SH3GL2: variants seen among roughly 807,000 people sequenced by gnomAD.
SH3GL2 encodes the protein endophilin-A1.
In SH3GL2, 24 loss-of-function variants were observed where a neutral mutation model predicts 46.0. The observed-to-expected ratio is 0.52, with a 90% CI of 0.38 to 0.73. The LOEUF is 0.73. Among genes scored for constraint, SH3GL2 ranks in the 30% least tolerant of loss-of-function variants. The pLI is 0.00. For missense variants in SH3GL2, 413 were observed against 424.2 expected (o/e 0.97, Z 0.23); for synonymous variants, 196 against 147.1 (o/e 1.33, Z -2.40).
At chr9:17,620,576 G>A (rs1370192393) in intron 1 of SH3GL2, among the ~76,000 whole-genome samples, 1 of 152,234 alleles carries the variant, frequency 6.6e-6, no homozygotes, top group African/African-American at 2.4e-5. Flanking sequence ...GCAGACAGAA[G>A]AGGGTTGGTG....
chr9:17,616,697 G>A (rs1219166278), intron 1 of SH3GL2, among the ~76,000 whole-genome samples: 1 of 151,966 alleles, frequency 6.6e-6, no homozygotes, highest in Non-Finnish European at 1.5e-5. Flanking sequence ...AATCAAGAAG[G>A]TGTCAACCTT....
At chr9:17,728,968 T>G (rs954882973) in intron 1 of SH3GL2, among the ~76,000 whole-genome samples, 6 of 152,224 alleles carry the variant, frequency 3.9e-5, no homozygotes, top group Admixed American at 2.0e-4. Flanking sequence ...TAGAATGATT[T>G]ATAATACTTT....
intron 3 of SH3GL2, among the ~76,000 whole-genome samples, chr9:17,762,662 G>C (rs924204200): frequency 3.9e-5 from 6 of 152,178 alleles, no homozygotes; most frequent in African/African-American, 1.4e-4. Context: ...AAGAAAATGT[G>C]ATAAGCTATA....
rs554457816 is a variant in SH3GL2 at position 17,713,085 on chromosome 9, A to T, written c.46-33981A>T. ...CTTAGTGTGCTGGGTTTTTTTTTTT[A>T]AATCAAAAGTAGATGTTAGATTTTG... On this transcript the variant is annotated intron_variant, in intron 1 of 8. Coordinates refer to ENST00000380607, the MANE Select transcript of SH3GL2 (RefSeq NM_003026.5). Among the ~76,000 whole-genome samples the T allele has an allele frequency of 5.5e-3, 832 of 150,030 alleles. 13 individuals carry two copies. The highest frequency in any genetic ancestry group is 0.019 in the African/African-American group (774 of 40,942).
At chr9:17,681,955 C>T (rs145123681) in intron 1 of SH3GL2, among the ~76,000 whole-genome samples, 1,560 of 152,096 alleles carry the variant, frequency 0.01, 17 homozygotes, top group Middle Eastern at 0.024. Context: ...CTCAACATCA[C>T]TGAAAAAAAG....
At position 17,758,561 on chromosome 9, in the gene SH3GL2, C is replaced by CAAAAAAAAAAAAAAAAAAAAAAA. The variant is rs57019804; in HGVS notation, c.115-2864_115-2842dup. On this transcript the variant is annotated intron_variant, in intron 2 of 8. Transcript: ENST00000380607. ...TGGGGGAGAGAGTAAGACCCTGTCT[C>CAAAAAAAAAAAAAAAAAAAAAAA]AAAAAAAAAAAAAAAAAAAAAAAAA... Among the ~76,000 whole-genome samples the CAAAAAAAAAAAAAAAAAAAAAAA allele has an allele frequency of 8.2e-4, 24 of 29,228 alleles. 3 individuals carry two copies. The East Asian group carries it at 9.6e-3, about 12-fold the overall frequency. 19.2% of individuals were successfully genotyped at this position (29,228 alleles called of 152,430 possible).
intron 1 of SH3GL2, among the ~76,000 whole-genome samples, chr9:17,693,980 A>C (rs7854984): frequency 6.6e-6 from 1 of 152,290 alleles, no homozygotes; most frequent in South Asian, 2.1e-4. Context: ...AGTGTACGCT[A>C]TATTTTATTT....
intron 3 of SH3GL2, among the ~76,000 whole-genome samples, chr9:17,773,725 T>G (rs952823181): frequency 6.6e-6 from 1 of 152,118 alleles, no homozygotes; most frequent in Non-Finnish European, 1.5e-5. Flanking sequence ...AGTTTTCAAA[T>G]CAGGAGGTGT....
intron 1 of SH3GL2, among the ~76,000 whole-genome samples, chr9:17,606,520 A>C (rs912532515): frequency 6.6e-5 from 10 of 152,190 alleles, no homozygotes; most frequent in Non-Finnish European, 1.5e-4. Context: ...GATTGATATG[A>C]ATGATGCTAA....
chr9:17,787,331 T>C, intron 4 of SH3GL2, 49 bp from the exon 5 acceptor site: 2 of 1,546,224 alleles, frequency 1.3e-6, no homozygotes, highest in Non-Finnish European at 1.8e-6. Flanking sequence ...TTATTGCGAG[T>C]GCATTTCATC....
chr9:17,676,347 T>G (rs1357068682), intron 1 of SH3GL2, among the ~76,000 whole-genome samples: 1 of 152,190 alleles, frequency 6.6e-6, no homozygotes, highest in East Asian at 1.9e-4. Context: ...GGCTCACGCA[T>G]GTAATCCCAG....
intron 3 of SH3GL2, among the ~76,000 whole-genome samples, chr9:17,768,110 G>A (rs1417752659): frequency 2.6e-5 from 4 of 152,042 alleles, no homozygotes; most frequent in Admixed American, 1.3e-4. Context: ...AGTAGCTCAC[G>A]CCTATAATCC....
intron 1 of SH3GL2, among the ~76,000 whole-genome samples, chr9:17,674,523 C>T (rs1002178164): frequency 2.0e-5 from 3 of 152,124 alleles, no homozygotes; most frequent in Non-Finnish European, 2.9e-5. Flanking sequence ...ACCTTGGCCT[C>T]CCAAAGTGCT....
At chr9:17,709,050 C>T (rs1040654695) in intron 1 of SH3GL2, among the ~76,000 whole-genome samples, 2 of 152,008 alleles carry the variant, frequency 1.3e-5, no homozygotes, top group Non-Finnish European at 2.9e-5. Flanking sequence ...TTATTTCCTG[C>T]TGCCATGATT....
At chr9:17,761,834 A>C (rs1189405482) in intron 3 of SH3GL2, among the ~76,000 whole-genome samples, 1 of 152,236 alleles carries the variant, frequency 6.6e-6, no homozygotes, top group Non-Finnish European at 1.5e-5. Context: ...GATGGTAAGA[A>C]GGAAAATTAG....
intron 4 of SH3GL2, 119 bp downstream of exon 4, chr9:17,786,643 T>A (rs1823965681): frequency 2.9e-6 from 3 of 1,028,672 alleles, no homozygotes; most frequent in Admixed American, 2.3e-5. Flanking sequence ...CAGTTTTAGA[T>A]CCTACACACA....
chr9:17,728,793 A>G (rs1390992438), intron 1 of SH3GL2, among the ~76,000 whole-genome samples: 1 of 152,166 alleles, frequency 6.6e-6, no homozygotes, highest in Non-Finnish European at 1.5e-5. Context: ...TGTCTCTGCA[A>G]AGGACATGAA....
At chr9:17,790,528 T>C in intron 6 of SH3GL2, 1 of 402,348 alleles carries the variant, frequency 2.5e-6, no homozygotes, top group Non-Finnish European at 3.4e-6. Context: ...GAATACTGTG[T>C]GCATGAGGGG....
chr9:17,616,813 C>G lies in SH3GL2; in HGVS notation c.45+37526C>G, dbSNP rs191190005. Among the ~76,000 whole-genome samples the G allele has an allele frequency of 2.6e-3, 402 of 152,104 alleles. 1 individual carries two copies. Among genetic ancestry groups the G allele is most frequent in the African/African-American group, 9.2e-3 (380 of 41,484 alleles). Reference sequence around the variant, plus strand: ...TTGTCTGATTTTTATACCATACAGACTAATAAAAATTAGTTTATGCACTTA... The same window carrying G: ...TTGTCTGATTTTTATACCATACAGAGTAATAAAAATTAGTTTATGCACTTA... On this transcript the variant is annotated intron_variant, in intron 1 of 8. Transcript: ENST00000380607.
Sources: allele counts gnomAD v4.1 joint callset (sites outside exome capture counted in the v4.1 genomes callset), GRCh38; gene constraint gnomAD v4.1.1; transcripts MANE v1.5; gene names NCBI Gene and HGNC (gene_info 2026-07-23, HGNC 2026-07-21).